The following PDE1A variants were observed in gnomAD, a reference collection of about 807,000 sequenced individuals.
The protein encoded by PDE1A is dual specificity calcium/calmodulin-dependent 3',5'-cyclic nucleotide phosphodiesterase 1A.
A neutral mutation model predicts 61.7 loss-of-function variants in PDE1A; 35 were observed. The observed-to-expected ratio is 0.57, with a 90% CI of 0.43 to 0.75. The LOEUF (loss-of-function observed/expected upper bound fraction) is 0.75. PDE1A is among the 30% of genes least tolerant of loss of function. PDE1A has a pLI of 0.00. For synonymous variants in PDE1A, 232 were observed against 213.2 expected (o/e 1.09, Z -0.77); for missense variants, 597 against 630.6 (o/e 0.95, Z 0.57).
At chr2:182,680,307 C>G in the PDE1A span, among the ~76,000 whole-genome samples, 11 of 151,572 alleles carry the variant, frequency 7.3e-5, no homozygotes, top group African/African-American at 1.7e-4. Flanking sequence ...TCAACCTGGG[C>G]TCAAGCAATC....
chr2:182,556,815 T>C, the PDE1A span, among the ~76,000 whole-genome samples: 1 of 152,248 alleles, frequency 6.6e-6, no homozygotes, highest in Non-Finnish European at 1.5e-5. Context: ...GTTTATTTTA[T>C]AATATATTAG....
At chr2:182,235,581 T>C (rs749557382) in intron 3 of PDE1A, among the ~76,000 whole-genome samples, 12 of 152,242 alleles carry the variant, frequency 7.9e-5, no homozygotes, top group Non-Finnish European at 1.5e-4. Flanking sequence ...TAGCATGTGA[T>C]ATAGTAATAG....
chr2:182,269,904 A>C (rs2125811824), intron 1 of PDE1A, among the ~76,000 whole-genome samples: 1 of 152,278 alleles, frequency 6.6e-6, no homozygotes, highest in Middle Eastern at 3.4e-3. Flanking sequence ...AGAAAGAAAA[A>C]GGCTATGGGC....
intron 2 of PDE1A, among the ~76,000 whole-genome samples, chr2:182,444,152 C>T (rs1684981584): frequency 6.6e-6 from 1 of 152,170 alleles, no homozygotes. Context: ...TATTGGACGA[C>T]TTTCAGTTCA....
At chr2:182,688,599 G>A in the PDE1A span, among the ~76,000 whole-genome samples, 1 of 152,106 alleles carries the variant, frequency 6.6e-6, no homozygotes, top group Non-Finnish European at 1.5e-5. Flanking sequence ...GACCATCAAG[G>A]CTAGGAAGAA....
intron 1 of PDE1A, among the ~76,000 whole-genome samples, chr2:182,385,676 A>AAG (rs1281344541): frequency 2.8e-5 from 2 of 71,668 alleles, no homozygotes; most frequent in African/African-American, 3.8e-5. Context: ...AAAAGAAAGA[A>AAG]AAGAAAGAAA....
the PDE1A span, among the ~76,000 whole-genome samples, chr2:182,672,643 C>T: frequency 6.6e-6 from 1 of 152,190 alleles, no homozygotes. Context: ...CAAATGTGGG[C>T]AGCCTTTCCT....
chr2:182,697,151 T>C, the PDE1A span, among the ~76,000 whole-genome samples: 2 of 152,174 alleles, frequency 1.3e-5, no homozygotes, highest in African/African-American at 4.8e-5. Context: ...TAAGTGATTA[T>C]GTCTGCAGAA....
chr2:182,460,337 C>T (rs553397423), intron 2 of PDE1A, among the ~76,000 whole-genome samples: 1 of 152,106 alleles, frequency 6.6e-6, no homozygotes, highest in Non-Finnish European at 1.5e-5. Flanking sequence ...TGTTACTTCC[C>T]ATCACCAGTT....
At chr2:182,639,917 G>A in the PDE1A span, among the ~76,000 whole-genome samples, 1 of 149,534 alleles carries the variant, frequency 6.7e-6, no homozygotes, top group Non-Finnish European at 1.5e-5. Flanking sequence ...ATAATAAAAG[G>A]ACACATTATT....
chr2:182,415,995 C>A (rs867473742), intron 1 of PDE1A, among the ~76,000 whole-genome samples: 1 of 152,126 alleles, frequency 6.6e-6, no homozygotes. Flanking sequence ...AATGGCAAGC[C>A]ACACTTAATC....
chr2:182,642,779 T>A, the PDE1A span, among the ~76,000 whole-genome samples: 1 of 152,184 alleles, frequency 6.6e-6, no homozygotes, highest in Admixed American at 6.5e-5. Flanking sequence ...CCTTCCATCA[T>A]CTCATTTTAG....
At chr2:182,577,111 G>C in the PDE1A span, among the ~76,000 whole-genome samples, 1 of 151,376 alleles carries the variant, frequency 6.6e-6, no homozygotes, top group East Asian at 1.9e-4. Context: ...TTTTTCTTTT[G>C]CTACTTGATT....
chr2:182,262,925 T>C (rs1485500169), intron 2 of PDE1A, among the ~76,000 whole-genome samples: 1 of 151,770 alleles, frequency 6.6e-6, no homozygotes, highest in Non-Finnish European at 1.5e-5. Flanking sequence ...GGCAAGAATT[T>C]CATCATGTGA....
chr2:182,687,729 T>C, the PDE1A span, among the ~76,000 whole-genome samples: 1 of 151,840 alleles, frequency 6.6e-6, no homozygotes, highest in South Asian at 2.1e-4. Flanking sequence ...CAATTAAACT[T>C]CTCCAAGCTG....
intron 1 of PDE1A, among the ~76,000 whole-genome samples, chr2:182,412,240 T>C (rs1300744913): frequency 6.6e-6 from 1 of 152,160 alleles, no homozygotes. Context: ...AATATAATCA[T>C]TTTGAAGGCT....
the PDE1A span, among the ~76,000 whole-genome samples, chr2:182,692,547 A>G: frequency 6.6e-6 from 1 of 151,994 alleles, no homozygotes; most frequent in African/African-American, 2.4e-5. Context: ...TAGGGATAGC[A>G]TTAGGAGATA....
chr2:182,515,757 C>T (rs1466627150), intron 2 of PDE1A, among the ~76,000 whole-genome samples: 1 of 152,130 alleles, frequency 6.6e-6, no homozygotes, highest in African/African-American at 2.4e-5. Context: ...ATCACATTCT[C>T]TTTTGACATT....
chr2:182,401,084 T>C (rs1701974463), intron 1 of PDE1A, among the ~76,000 whole-genome samples: 1 of 152,216 alleles, frequency 6.6e-6, no homozygotes. Context: ...AGCTGAATTC[T>C]ATCAGAAGTA....
Sources: allele counts gnomAD v4.1 joint callset (sites outside exome capture counted in the v4.1 genomes callset), GRCh38; gene constraint gnomAD v4.1.1; transcripts MANE v1.5; gene names NCBI Gene and HGNC (gene_info 2026-07-23, HGNC 2026-07-21).